ARHGAP8: variants seen among roughly 807,000 people sequenced by gnomAD.
The protein encoded by ARHGAP8 is Rho GTPase activating protein 8.
ARHGAP8 carries 62 observed loss-of-function variants against 46.1 expected under a neutral mutation model. The ratio of observed to expected loss-of-function variants is 1.34; its 90% CI spans 1.10 to 1.66. The LOEUF (loss-of-function observed/expected upper bound fraction) is 1.66, where lower values mean the gene tolerates loss of function less well. Among genes scored for constraint, ARHGAP8 ranks in the 40% most tolerant of loss-of-function variants. The pLI, the probability that ARHGAP8 is intolerant of heterozygous loss-of-function variation, is 0.00. For synonymous variants in ARHGAP8, 375 were observed against 243.1 expected, an observed-to-expected ratio of 1.54 and a Z score of -5.05; for missense variants, 923 against 568.4, an observed-to-expected ratio of 1.62 and a Z score of -6.34.
rs2070032501 is a variant in ARHGAP8 at position 44,849,072 on chromosome 22, C to T, written c.877+12C>T. The T allele has an allele frequency of 4.3e-6, 7 of 1,613,422 alleles. No individual in the cohort carries two copies. The highest frequency in any genetic ancestry group is 5.9e-6 in the Non-Finnish European group (7 of 1,179,990). Reference sequence around the variant, plus strand: ...TCTCGGGATCACCTGTGCGTAGCTGCCCTGGCGCAGGGGTGGGGGGCTTGG... The same window carrying T: ...TCTCGGGATCACCTGTGCGTAGCTGTCCTGGCGCAGGGGTGGGGGGCTTGG... On this transcript the variant is annotated intron_variant, in intron 10 of 11. Transcript: ENST00000356099.
intron 3 of ARHGAP8, among the ~76,000 whole-genome samples, chr22:44,805,677 G>A (rs376080493): frequency 6.6e-6 from 1 of 152,294 alleles, no homozygotes; most frequent in African/African-American, 2.4e-5. Context: ...CTGCCCAGAG[G>A]AAAAGGCATC....
chr22:44,778,732 ACTT>A (rs1174788733), intron 1 of ARHGAP8, among the ~76,000 whole-genome samples: 1 of 152,014 alleles, frequency 6.6e-6, no homozygotes, highest in Non-Finnish European at 1.5e-5. Context: ...TCCTTCTGTA[ACTT>A]CTTCAGGTGG....
intron 7 of ARHGAP8, among the ~76,000 whole-genome samples, chr22:44,838,200 C>T (rs1043572574): frequency 1.7e-4 from 25 of 150,956 alleles, no homozygotes; most frequent in Admixed American, 9.9e-4. Flanking sequence ...TGTGATGGCA[C>T]GATCTTGGCT....
At chr22:44,854,198 A>T (rs900169054) in intron 10 of ARHGAP8, among the ~76,000 whole-genome samples, 1 of 151,660 alleles carries the variant, frequency 6.6e-6, no homozygotes, top group South Asian at 2.1e-4. Flanking sequence ...CATAACACTG[A>T]ATAAGGCTAG....
chr22:44,859,658 C>A, intron 10 of ARHGAP8, 73 bp from the exon 11 acceptor site: 1 of 1,539,252 alleles, frequency 6.5e-7, no homozygotes, highest in Non-Finnish European at 8.9e-7. Flanking sequence ...CACCCCTGTT[C>A]TCCTCCCGGG....
At chr22:44,833,977 A>G (rs1424106357) in intron 7 of ARHGAP8, among the ~76,000 whole-genome samples, 3 of 152,096 alleles carry the variant, frequency 2.0e-5, no homozygotes, top group Non-Finnish European at 4.4e-5. Flanking sequence ...TTTTATTTGT[A>G]TAATGTCACT....
intron 1 of ARHGAP8, among the ~76,000 whole-genome samples, chr22:44,766,471 T>C (rs866015381): frequency 1.4e-4 from 22 of 151,964 alleles, no homozygotes; most frequent in African/African-American, 5.3e-4. Flanking sequence ...TACGTGTCTC[T>C]GTGCATATGT....
intron 5 of ARHGAP8, among the ~76,000 whole-genome samples, chr22:44,817,183 G>A (rs936089768): frequency 1.8e-4 from 27 of 152,266 alleles, no homozygotes; most frequent in African/African-American, 5.8e-4. Flanking sequence ...CACCATGCCC[G>A]GCCTTCTTTT....
At chr22:44,800,037 G>A (rs559112163) in intron 2 of ARHGAP8, among the ~76,000 whole-genome samples, 1 of 151,228 alleles carries the variant, frequency 6.6e-6, no homozygotes, top group African/African-American at 2.5e-5. Context: ...TGCAGGCACG[G>A]AGGATGGTCT....
rs1191627695 is a variant in ARHGAP8, at chr22:44,862,544, C to T, written c.1251C>T (p.Thr417=). ...CACGGACACAAGCCACGGGCCTCAC[C>T]AAGCCTACCCTACCTCCGAGTCCCC... is the stretch of plus-strand genomic sequence containing the variant. ...AVPRTQATGL[T]KPTLPPSPLM... The change falls in exon 12 of 12, where the codon ACC becomes ACT. Residue 417 remains threonine, a synonymous_variant. Transcript: ENST00000356099. 2 of 1,604,018 alleles carry T rather than the reference C, an allele frequency of 1.2e-6. No homozygotes were observed. The highest frequency in any genetic ancestry group is 1.7e-5 in the Admixed American group (1 of 59,674).
At chr22:44,845,966 T>C (rs1602257559) in intron 8 of ARHGAP8, among the ~76,000 whole-genome samples, 2 of 152,266 alleles carry the variant, frequency 1.3e-5, no homozygotes, top group South Asian at 2.1e-4. Flanking sequence ...GTCTCCAGCC[T>C]GGGTGCTGCA....
At chr22:44,778,019 T>TTTA (rs1414694978) in intron 1 of ARHGAP8, among the ~76,000 whole-genome samples, 1 of 148,386 alleles carries the variant, frequency 6.7e-6, no homozygotes, top group Non-Finnish European at 1.5e-5. Context: ...TATTTATTTA[T>TTTA]TTATTTATTT....
At chr22:44,760,384 G>A (rs1430079333) in intron 1 of ARHGAP8, among the ~76,000 whole-genome samples, 1 of 152,194 alleles carries the variant, frequency 6.6e-6, no homozygotes, top group Non-Finnish European at 1.5e-5. Context: ...ACTTTCCCAG[G>A]AGTCGCTGGC....
chr22:44,811,675 C>G (rs9626567), intron 4 of ARHGAP8, among the ~76,000 whole-genome samples: 78,839 of 151,980 alleles, frequency 0.52, 21,244 homozygotes, highest in African/African-American at 0.64. Flanking sequence ...TGCAGGGGTG[C>G]TGAGTTCCCC....
intron 4 of ARHGAP8, chr22:44,808,932 C>T (rs1236508937): frequency 8.1e-6 from 3 of 371,772 alleles, no homozygotes; most frequent in South Asian, 2.0e-5. Context: ...GTCCTCTTGC[C>T]TCAGCCTCCT....
chr22:44,787,029 C>CA (rs34957650), intron 2 of ARHGAP8, among the ~76,000 whole-genome samples: 41,654 of 93,588 alleles, frequency 0.45, 7,306 homozygotes, highest in Middle Eastern at 0.57. Context: ...GACCCTGTCT[C>CA]AAAAAAACAA....
intron 10 of ARHGAP8, 26 bp downstream of exon 10, chr22:44,849,086 T>TG (rs1348017216): frequency 3.1e-6 from 5 of 1,612,062 alleles, no homozygotes; most frequent in Admixed American, 1.7e-5. Flanking sequence ...GGCGCAGGGG[T>TG]GGGGGGCTTG....
chr22:44,806,642 A>C (rs1465656683), intron 3 of ARHGAP8, among the ~76,000 whole-genome samples: 1 of 151,992 alleles, frequency 6.6e-6, no homozygotes, highest in African/African-American at 2.4e-5. Flanking sequence ...GTCAGAGGGC[A>C]CTCTGACATC....
chr22:44,753,789 G>T (rs1052975128), intron 1 of ARHGAP8, among the ~76,000 whole-genome samples: 1 of 152,192 alleles, frequency 6.6e-6, no homozygotes, highest in African/African-American at 2.4e-5. Flanking sequence ...CCGACTTCAG[G>T]GTTTTGTGAC....
Sources: allele counts gnomAD v4.1 joint callset (sites outside exome capture counted in the v4.1 genomes callset), GRCh38; gene constraint gnomAD v4.1.1; transcripts MANE v1.5; gene names NCBI Gene and HGNC (gene_info 2026-07-23, HGNC 2026-07-21).